PARN: variants seen among roughly 807,000 people sequenced by gnomAD.
PARN encodes poly(A)-specific ribonuclease PARN.
In PARN, 71 loss-of-function variants were observed where a neutral mutation model predicts 102.8. The ratio of observed to expected loss-of-function variants is 0.69; its 90% CI spans 0.57 to 0.84. The LOEUF is 0.84. Among genes scored for constraint, PARN ranks in the 40% least tolerant of loss-of-function variants. PARN has a pLI of 0.00. For synonymous variants in PARN, 261 were observed against 252.9 expected (o/e 1.03, Z -0.30); for missense variants, 782 against 760.9 (o/e 1.03, Z -0.33).
chr16:14,615,773 T>C (rs1262377449), intron 6 of PARN, among the ~76,000 whole-genome samples: 2 of 152,014 alleles, frequency 1.3e-5, no homozygotes, highest in Non-Finnish European at 2.9e-5. Context: ...TGGTGGCATG[T>C]GCCTGTGGTC....
At chr16:14,493,661 G>C (rs1364686902) in intron 21 of PARN, among the ~76,000 whole-genome samples, 1 of 152,218 alleles carries the variant, frequency 6.6e-6, no homozygotes, top group South Asian at 2.1e-4. Context: ...CAGGTATCTA[G>C]GTGGGAAATG....
intron 10 of PARN, among the ~76,000 whole-genome samples, chr16:14,604,828 C>T (rs1203122575): frequency 1.3e-5 from 2 of 152,236 alleles, no homozygotes; most frequent in East Asian, 3.9e-4. Flanking sequence ...GTTGCCCAGG[C>T]TGGTCTCAAA....
At chr16:14,487,438 C>T (rs1045731817) in intron 21 of PARN, among the ~76,000 whole-genome samples, 1 of 152,304 alleles carries the variant, frequency 6.6e-6, no homozygotes, top group African/African-American at 2.4e-5. Context: ...CTTTCCACTA[C>T]TGTCAAGCAA....
chr16:14,494,751 C>T (rs1166997415), intron 21 of PARN, among the ~76,000 whole-genome samples: 5 of 152,114 alleles, frequency 3.3e-5, no homozygotes, highest in Admixed American at 6.5e-5. Flanking sequence ...ATCAGCAGGA[C>T]GCCAGGGTAA....
At chr16:14,489,967 A>G (rs1302330282) in intron 21 of PARN, among the ~76,000 whole-genome samples, 2 of 152,184 alleles carry the variant, frequency 1.3e-5, no homozygotes, top group African/African-American at 2.4e-5. Flanking sequence ...CCAGCAGTTC[A>G]AGACCAGCCT....
At chr16:14,465,610 C>A (rs1451961574) in intron 22 of PARN, among the ~76,000 whole-genome samples, 1 of 152,060 alleles carries the variant, frequency 6.6e-6, no homozygotes, top group African/African-American at 2.4e-5. Context: ...TATCCTAATT[C>A]AATCCCAACC....
Position 14,552,103 on chromosome 16 carries a change from C to T in PARN, c.1406-8G>A, listed in dbSNP as rs529177861. On this transcript the variant is annotated splice_polypyrimidine_tract_variant and splice_region_variant and intron_variant, in intron 20 of 23. Transcript: ENST00000437198. ...AGGATATCTGAATGTTACCTGCAAT[C>T]GCAAATTAAAAGTAAAGTGAACATT... The T allele has an allele frequency of 5.1e-5, 81 of 1,586,804 alleles. No homozygotes were observed. The highest frequency in any genetic ancestry group is 6.7e-5 in the Non-Finnish European group (77 of 1,157,372).
At chr16:14,562,293 A>G (rs949948402) in intron 18 of PARN, among the ~76,000 whole-genome samples, 10 of 152,066 alleles carry the variant, frequency 6.6e-5, no homozygotes, top group Non-Finnish European at 1.0e-4. Flanking sequence ...TGACTGCTAC[A>G]AAGAAATACA....
chr16:14,524,750 A>T lies in PARN; in HGVS notation c.1480+27271T>A, dbSNP rs1259860176. ...GTAAAAATTTCTCCAAGTAGTTAACATCAGCAAAATACAGCCATCAGTGCC... is the reference window on the plus strand; with the variant it reads ...GTAAAAATTTCTCCAAGTAGTTAACTTCAGCAAAATACAGCCATCAGTGCC... On this transcript the variant is annotated intron_variant, in intron 21 of 23. Coordinates refer to ENST00000437198, the MANE Select transcript of PARN (RefSeq NM_002582.4). Among the ~76,000 whole-genome samples the T allele has an allele frequency of 2.6e-5, 4 of 152,222 alleles. No individual in the cohort carries two copies. The South Asian group carries it at 6.2e-4, about 24-fold the overall frequency.
intron 22 of PARN, among the ~76,000 whole-genome samples, chr16:14,478,675 T>C (rs993234818): frequency 2.6e-5 from 4 of 152,180 alleles, no homozygotes; most frequent in Non-Finnish European, 5.9e-5. Flanking sequence ...GCATACAACA[T>C]AATTGTGCAC....
rs368072136 is a variant in PARN at position 14,617,659 on chromosome 16, G to C, written c.328-9C>G. ...AAGTCAATGCTGGAGCTCTGAAACA[G>C]AGTAAACAGAACACATGTTTTGGGG... On this transcript the variant is annotated splice_polypyrimidine_tract_variant and intron_variant, in intron 5 of 23. Transcript: ENST00000437198. The C allele has an allele frequency of 2.6e-6, 4 of 1,561,876 alleles. No individual in the cohort carries two copies. Among genetic ancestry groups the C allele is most frequent in the South Asian group, 1.1e-5 (1 of 90,010 alleles).
intron 18 of PARN, among the ~76,000 whole-genome samples, chr16:14,576,833 G>A (rs966590559): frequency 6.6e-5 from 10 of 152,068 alleles, no homozygotes; most frequent in Non-Finnish European, 1.0e-4. Context: ...AGACAAAATG[G>A]CACCATGCAA....
intron 19 of PARN, among the ~76,000 whole-genome samples, chr16:14,555,122 C>A (rs904040217): frequency 2.0e-5 from 3 of 152,142 alleles, no homozygotes; most frequent in Non-Finnish European, 4.4e-5. Context: ...GTATAGTTCA[C>A]CCACTTCCAC....
intron 6 of PARN, among the ~76,000 whole-genome samples, chr16:14,612,857 A>G (rs1020223834): frequency 6.6e-6 from 1 of 152,016 alleles, no homozygotes; most frequent in African/African-American, 2.4e-5. Context: ...TCAGCCTCTA[A>G]AAGTGCTGAG....
At chr16:14,599,343 G>A (rs145086823) in intron 12 of PARN, among the ~76,000 whole-genome samples, 3 of 152,048 alleles carry the variant, frequency 2.0e-5, no homozygotes, top group East Asian at 1.9e-4. Flanking sequence ...ATGCCCGGCC[G>A]CCTGTTTTCA....
At chr16:14,506,318 T>C (rs1255706278) in intron 21 of PARN, among the ~76,000 whole-genome samples, 2 of 152,214 alleles carry the variant, frequency 1.3e-5, no homozygotes, top group East Asian at 1.9e-4. Context: ...CACAAGACTT[T>C]GACTGGAGCT....
chr16:14,581,059 C>CTT, intron 17 of PARN, 116 bp from the exon 18 acceptor site: 12 of 536,426 alleles, frequency 2.2e-5, no homozygotes, highest in South Asian at 5.7e-5. Flanking sequence ...GAAAGGTATT[C>CTT]TTTTTTTTTT....
chr16:14,593,432 G>A, intron 12 of PARN, 54 bp from the exon 13 acceptor site: 1 of 620,444 alleles, frequency 1.6e-6, no homozygotes, highest in Non-Finnish European at 2.8e-6. Context: ...TTATACTGGG[G>A]TTTCAGAATG....
chr16:14,532,662 G>C (rs1021606704), intron 21 of PARN, among the ~76,000 whole-genome samples: 3 of 151,814 alleles, frequency 2.0e-5, no homozygotes, highest in African/African-American at 7.3e-5. Context: ...ATCATGGCCC[G>C]TTCTCAATGA....
Sources: allele counts gnomAD v4.1 joint callset (sites outside exome capture counted in the v4.1 genomes callset), GRCh38; gene constraint gnomAD v4.1.1; transcripts MANE v1.5; gene names NCBI Gene and HGNC (gene_info 2026-07-23, HGNC 2026-07-21).